The following BIN2 variants were observed in gnomAD, a reference collection of about 807,000 sequenced individuals.
BIN2 encodes breast cancer associated protein BRAP1.
A neutral mutation model predicts 67.9 loss-of-function variants in BIN2; 43 were observed. That is an observed-to-expected ratio of 0.63 (90% CI 0.50 to 0.82). The LOEUF (loss-of-function observed/expected upper bound fraction) is 0.82. Among genes scored for constraint, BIN2 ranks in the 40% least tolerant of loss-of-function variants. The pLI, the probability that BIN2 is intolerant of heterozygous loss-of-function variation, is 0.00. For synonymous variants in BIN2, 244 were observed against 246.8 expected, an observed-to-expected ratio of 0.99 and a Z score of 0.11; for missense variants, 581 against 671.6, an observed-to-expected ratio of 0.87 and a Z score of 1.49.
chr12:51,310,102 A>T (rs1384046084), intron 2 of BIN2, among the ~76,000 whole-genome samples: 1 of 152,212 alleles, frequency 6.6e-6, no homozygotes, highest in African/African-American at 2.4e-5. Context: ...GGAGACAACC[A>T]GATTTTATGT....
intron 2 of BIN2, among the ~76,000 whole-genome samples, chr12:51,310,536 T>C (rs557840252): frequency 1.3e-5 from 2 of 152,334 alleles, no homozygotes; most frequent in South Asian, 4.1e-4. Context: ...TAGTGAAATA[T>C]TTAATCTGAA....
chr12:51,323,573 G>A (rs1298596112), intron 1 of BIN2, among the ~76,000 whole-genome samples: 1 of 152,204 alleles, frequency 6.6e-6, no homozygotes, highest in Non-Finnish European at 1.5e-5. Flanking sequence ...TTGGTGGGGG[G>A]TGCCTGCTGG....
chr12:51,315,427 C>T lies in BIN2; in HGVS notation c.82-1524G>A, dbSNP rs535416410. Among the ~76,000 whole-genome samples, 17 of 152,318 alleles carry T rather than the reference C, an allele frequency of 1.1e-4. 1 individual carries two copies. The South Asian group carries it at 3.3e-3, about 30-fold the overall frequency. On this transcript the variant is annotated intron_variant, in intron 1 of 12. Coordinates refer to ENST00000615107, the MANE Select transcript of BIN2 (RefSeq NM_016293.4). ...GACCTCGTGATCCGCCCGCCTCGGC[C>T]TCCCAAAGTGCTGGGATTACAGGCG...
chr12:51,288,663 G>A (rs1370104881), intron 10 of BIN2, among the ~76,000 whole-genome samples: 1 of 151,974 alleles, frequency 6.6e-6, no homozygotes, highest in Non-Finnish European at 1.5e-5. Flanking sequence ...AGTAATTGTA[G>A]AATGAATAAA....
chr12:51,292,374 C>T (rs1207410025), intron 9 of BIN2, 30 bp from the exon 10 acceptor site: 32 of 1,523,196 alleles, frequency 2.1e-5, no homozygotes, highest in African/African-American at 4.2e-5. Flanking sequence ...AGATTCAGAA[C>T]GGCTAAAAAC....
intron 11 of BIN2, among the ~76,000 whole-genome samples, chr12:51,287,797 A>G (rs4409892): frequency 0.82 from 124,497 of 151,514 alleles, 52,338 homozygotes; most frequent in East Asian, 0.94. Flanking sequence ...GAATACAGGC[A>G]CCCGCCACCA....
upstream of BIN2, chr12:51,324,663 A>C: frequency 1.1e-6 from 1 of 885,026 alleles, no homozygotes; most frequent in Non-Finnish European, 1.6e-6. Flanking sequence ...TGAAAGAGAG[A>C]AACAGGCCGG....
intron 1 of BIN2, among the ~76,000 whole-genome samples, chr12:51,318,842 G>T (rs1208216378): frequency 6.6e-6 from 1 of 152,142 alleles, no homozygotes; most frequent in Non-Finnish European, 1.5e-5. Context: ...GCACTCAATA[G>T]GTACTCACTG....
At chr12:51,320,022 A>G (rs1413873105) in intron 1 of BIN2, among the ~76,000 whole-genome samples, 1 of 151,106 alleles carries the variant, frequency 6.6e-6, no homozygotes, top group Non-Finnish European at 1.5e-5. Context: ...GTCTAGCTCT[A>G]TTGCCCAGGC....
rs1274973648 is a variant in BIN2 at position 51,289,199 on chromosome 12, T to G, written c.1516-1011A>C. ...TGAGCTAATTGTTGAAAGTTCCTCT[T>G]GTATTGTTCCAAAATGTATCTTAAA... On this transcript the variant is annotated intron_variant, in intron 10 of 12. Coordinates refer to ENST00000615107, the MANE Select transcript of BIN2 (RefSeq NM_016293.4). 3.0e-5 allele frequency among the ~76,000 whole-genome samples: 4 copies of G among 135,500 alleles called. No homozygotes were observed. The East Asian group carries it at 8.9e-4, about 30-fold the overall frequency. 88.9% of individuals were successfully genotyped at this position (135,500 alleles called of 152,430 possible). A position where few individuals can be genotyped will look rare whatever the true frequency, so the allele number is the denominator to read the frequency against.
chr12:51,301,253 C>A (rs1945714376), intron 5 of BIN2, among the ~76,000 whole-genome samples: 1 of 151,848 alleles, frequency 6.6e-6, no homozygotes, highest in African/African-American at 2.4e-5. Context: ...CAAAAAAAAA[C>A]TAGCTGAATG....
intron 7 of BIN2, 69 bp downstream of exon 7, chr12:51,299,134 A>T: frequency 8.8e-7 from 1 of 1,134,250 alleles, no homozygotes; most frequent in Non-Finnish European, 1.3e-6. Context: ...ACTTTTATCT[A>T]CTTACTGTCA....
intron 1 of BIN2, among the ~76,000 whole-genome samples, chr12:51,315,180 T>TA (rs1946090934): frequency 6.6e-6 from 1 of 151,946 alleles, no homozygotes; most frequent in African/African-American, 2.4e-5. Flanking sequence ...TATTATTTTT[T>TA]TTTTTTTGAG....
Position 51,292,130 on chromosome 12 carries a change from A to G in BIN2, c.976T>C (p.Ser326Pro), listed in dbSNP as rs1445261575. 1.2e-6 allele frequency: 2 copies of G among 1,613,906 alleles called. No homozygotes were observed. The highest frequency in any genetic ancestry group is 2.7e-5 in the African/African-American group (2 of 74,874). Residue 326 changes from serine to proline, a missense_variant, in exon 10 of 13, where the codon TCT becomes CCT. By Grantham distance (74) the Ser-to-Pro change is moderately conservative (BLOSUM62 -1). Coordinates refer to ENST00000615107, the MANE Select transcript of BIN2 (RefSeq NM_016293.4). ...LEEEEIEKEGSEASSSEEDEP... is the reference protein window; with the variant it reads ...LEEEEIEKEGPEASSSEEDEP... ...TCTTCCTCAGAGGAGCTTGCTTCAGATCCTTCCTTCTCTATTTCCTCCTCT... is the reference window on the plus strand; with the variant it reads ...TCTTCCTCAGAGGAGCTTGCTTCAGGTCCTTCCTTCTCTATTTCCTCCTCT...
In BIN2 at chr12:51,291,770, T is replaced by C. The variant is rs757532141; in HGVS notation, c.1336A>G (p.Thr446Ala). ...GTCCCCAAGGAGGCCCTAGGGCTGG[T>C]GGGTGAACCCCCTCCAGAGGCTGTA... ...SPTASGGGSP[T>A]SPRASLGTGT... Residue 446 changes from threonine (T) to alanine (A), a missense_variant, in exon 10 of 13, where the codon ACC becomes GCC. Coordinates refer to ENST00000615107, the MANE Select transcript of BIN2 (RefSeq NM_016293.4). The C allele has an allele frequency of 6.8e-6, 11 of 1,613,430 alleles. No homozygotes were observed. The Admixed American group carries it at 1.8e-4, about 27-fold the overall frequency.
chr12:51,286,890 C>A (rs1347837281), intron 11 of BIN2, among the ~76,000 whole-genome samples: 1 of 147,266 alleles, frequency 6.8e-6, no homozygotes, highest in African/African-American at 2.5e-5. Context: ...GTGGCGTGAT[C>A]ATGGCTCACT....
intron 10 of BIN2, among the ~76,000 whole-genome samples, chr12:51,289,363 C>T (rs1192427655): frequency 6.6e-6 from 1 of 151,862 alleles, no homozygotes. Flanking sequence ...ACCTGTAAGC[C>T]CAGCACTTTG....
chr12:51,301,663 C>T (rs1182130085), intron 5 of BIN2, among the ~76,000 whole-genome samples: 1 of 151,964 alleles, frequency 6.6e-6, no homozygotes, highest in Non-Finnish European at 1.5e-5. Flanking sequence ...CACGCACCAC[C>T]ACATGACTAT....
intron 2 of BIN2, among the ~76,000 whole-genome samples, chr12:51,313,107 A>T (rs1182207976): frequency 6.6e-6 from 1 of 151,502 alleles, no homozygotes; most frequent in Non-Finnish European, 1.5e-5. Context: ...GCATGGTGGC[A>T]CACACCTGTA....
Sources: gnomAD v4.1 joint callset for allele counts (sites outside exome capture counted in the v4.1 genomes callset) on GRCh38, gnomAD v4.1.1 for gene constraint, MANE v1.5 for transcripts, NCBI Gene and HGNC (gene_info 2026-07-23, HGNC 2026-07-21) for gene names.